TUNAR: variants seen among roughly 807,000 people sequenced by gnomAD.
TUNAR encodes transmembrane neural differentiation associated intracellular calcium regulator.
intron 2 of TUNAR, 37 bp downstream of exon 1, chr14:95,877,214 T>G (rs1888902339): frequency 6.6e-6 from 1 of 152,288 alleles, no homozygotes; most frequent in African/African-American, 2.4e-5. Context: ...CAAAGCTCCC[T>G]TCGCAGGGCC....
intron 2 of TUNAR, among the ~76,000 whole-genome samples, chr14:95,905,949 G>A (rs1163200076): frequency 6.6e-6 from 1 of 152,162 alleles, no homozygotes; most frequent in Non-Finnish European, 1.5e-5. Context: ...ATCTAATCCT[G>A]TGGTTATTTA....
At chr14:95,909,888 C>T (rs1026599255) in intron 2 of TUNAR, among the ~76,000 whole-genome samples, 5 of 152,168 alleles carry the variant, frequency 3.3e-5, no homozygotes, top group African/African-American at 4.8e-5. Context: ...CCAATGGAAT[C>T]GAGCTTCAAA....
intron 2 of TUNAR, among the ~76,000 whole-genome samples, chr14:95,904,228 G>C (rs1404333349): frequency 1.3e-5 from 2 of 152,184 alleles, no homozygotes; most frequent in African/African-American, 2.4e-5. Context: ...GCCATCACTG[G>C]CTCCTGTGGG....
At chr14:95,879,288 GT>G (rs542080930) in intron 2 of TUNAR, among the ~76,000 whole-genome samples, 12 of 152,296 alleles carry the variant, frequency 7.9e-5, no homozygotes, top group African/African-American at 2.9e-4. Context: ...CTCTCAGCGG[GT>G]TTTGTGACTG....
intron 2 of TUNAR, among the ~76,000 whole-genome samples, chr14:95,898,807 T>C (rs1432273454): frequency 6.6e-6 from 1 of 152,254 alleles, no homozygotes; most frequent in Non-Finnish European, 1.5e-5. Flanking sequence ...GAATTATTTC[T>C]GTCTCCTCTA....
chr14:95,914,970 G>C (rs1889578061), intron 2 of TUNAR, among the ~76,000 whole-genome samples: 1 of 152,170 alleles, frequency 6.6e-6, no homozygotes, highest in African/African-American at 2.4e-5. Flanking sequence ...TTTAGTTCCT[G>C]GTTATAAAAG....
chr14:95,882,066 A>T (rs563827105), intron 2 of TUNAR, among the ~76,000 whole-genome samples: 1 of 152,370 alleles, frequency 6.6e-6, no homozygotes, highest in Admixed American at 6.5e-5. Flanking sequence ...AAAATTAGAC[A>T]GAATGAGTTA....
chr14:95,884,164 G>C (rs1350048770), intron 2 of TUNAR, among the ~76,000 whole-genome samples: 1 of 152,132 alleles, frequency 6.6e-6, no homozygotes, highest in African/African-American at 2.4e-5. Context: ...CCGTATGGTA[G>C]CCAGAGTGAG....
intron 2 of TUNAR, among the ~76,000 whole-genome samples, chr14:95,904,072 C>T (rs1321170933): frequency 6.6e-6 from 1 of 152,238 alleles, no homozygotes; most frequent in African/African-American, 2.4e-5. Flanking sequence ...AGTGAGTGGC[C>T]ATCTATAATC....
At chr14:95,906,479 C>A (rs1440394362) in intron 2 of TUNAR, among the ~76,000 whole-genome samples, 1 of 152,144 alleles carries the variant, frequency 6.6e-6, no homozygotes, top group Admixed American at 6.5e-5. Flanking sequence ...TTATTTAATT[C>A]TAGTATACAC....
intron 2 of TUNAR, among the ~76,000 whole-genome samples, chr14:95,890,994 G>A (rs877524): frequency 0.24 from 37,123 of 152,094 alleles, 4,638 homozygotes; most frequent in Non-Finnish European, 0.26. Context: ...GACAGCAGCA[G>A]AAAGAATCGA....
At chr14:95,909,710 C>T (rs1889482879) in intron 2 of TUNAR, among the ~76,000 whole-genome samples, 1 of 152,198 alleles carries the variant, frequency 6.6e-6, no homozygotes, top group African/African-American at 2.4e-5. Context: ...ACTGCGGCTG[C>T]CCCAGGCCAG....
At chr14:95,900,358 A>T (rs1889333075) in intron 2 of TUNAR, among the ~76,000 whole-genome samples, 1 of 152,142 alleles carries the variant, frequency 6.6e-6, no homozygotes, top group East Asian at 1.9e-4. Context: ...GCTCGGGGGA[A>T]CTGAGGCAGA....
At chr14:95,914,870 A>C (rs1889576377) in intron 2 of TUNAR, among the ~76,000 whole-genome samples, 1 of 152,214 alleles carries the variant, frequency 6.6e-6, no homozygotes, top group Admixed American at 6.5e-5. Context: ...GATCCCAGCT[A>C]TATCTGAAGC....
At chr14:95,894,108 T>A (rs956169465) in intron 2 of TUNAR, among the ~76,000 whole-genome samples, 1 of 152,248 alleles carries the variant, frequency 6.6e-6, no homozygotes, top group African/African-American at 2.4e-5. Context: ...CATTGCTGAT[T>A]GGATCATCCA....
intron 2 of TUNAR, among the ~76,000 whole-genome samples, chr14:95,917,739 G>A (rs1208096700): frequency 1.3e-5 from 2 of 151,980 alleles, no homozygotes; most frequent in South Asian, 2.1e-4. Context: ...TTATTTCTGG[G>A]CACTTTATAT....
intron 2 of TUNAR, among the ~76,000 whole-genome samples, chr14:95,886,396 G>C (rs1464184762): frequency 1.3e-5 from 2 of 152,216 alleles, no homozygotes; most frequent in Non-Finnish European, 2.9e-5. Context: ...TCAGGGTCAC[G>C]GGTGGTTATA....
At chr14:95,890,329 C>T (rs1244833515) in intron 2 of TUNAR, among the ~76,000 whole-genome samples, 1 of 152,210 alleles carries the variant, frequency 6.6e-6, no homozygotes, top group Non-Finnish European at 1.5e-5. Flanking sequence ...TCAGGTTTTT[C>T]TTCTCGTCCT....
rs549540448 is a variant in TUNAR, at chr14:95,886,565, C to T, written c.12+9388C>T. ...GCTGACTGCCAGATGGTGCCAAGGG[C>T]ACGGCATCCCGGGCAGTCAGCCTCC... is the stretch of plus-strand genomic sequence containing the variant. On this transcript the variant is annotated intron_variant, in intron 2 of 2. Transcript: ENST00000678517. Among the ~76,000 whole-genome samples, 6 of 152,344 alleles carry T rather than the reference C, an allele frequency of 3.9e-5. No homozygotes were observed. In the South Asian group the frequency reaches 1.2e-3, roughly 32 times the overall value.
Sources: allele counts gnomAD v4.1 joint callset (sites outside exome capture counted in the v4.1 genomes callset), GRCh38; gene constraint gnomAD v4.1.1; transcripts MANE v1.5; gene names NCBI Gene and HGNC (gene_info 2026-07-23, HGNC 2026-07-21).